UBE2G2: variants seen among roughly 807,000 people sequenced by gnomAD.
UBE2G2 encodes ubiquitin-conjugating enzyme E2 G2.
A neutral mutation model predicts 23.0 loss-of-function variants in UBE2G2; 10 were observed. The ratio of observed to expected loss-of-function variants is 0.43; its 90% CI spans 0.27 to 0.74. The LOEUF (loss-of-function observed/expected upper bound fraction) is 0.74. Among genes scored for constraint, UBE2G2 ranks in the 30% least tolerant of loss-of-function variants. The pLI, the probability that UBE2G2 is intolerant of heterozygous loss-of-function variation, is 0.19. For synonymous variants in UBE2G2, 86 were observed against 81.3 expected (o/e 1.06, Z -0.31); for missense variants, 150 against 218.3 (o/e 0.69, Z 1.97).
At chr21:44,790,662 C>T (rs1268631762) in intron 1 of UBE2G2, among the ~76,000 whole-genome samples, 6 of 152,198 alleles carry the variant, frequency 3.9e-5, no homozygotes, top group East Asian at 1.9e-4. Flanking sequence ...GCTTCCCCTT[C>T]GGCTTCTGTC....
intron 1 of UBE2G2, among the ~76,000 whole-genome samples, chr21:44,790,484 T>A (rs1040974104): frequency 1.3e-5 from 2 of 152,246 alleles, no homozygotes; most frequent in Non-Finnish European, 2.9e-5. Context: ...TGAATTGTAA[T>A]CTCCAGGTGT....
At chr21:44,773,907 G>C (rs2082893674) in intron 4 of UBE2G2, 3 of 534,490 alleles carry the variant, frequency 5.6e-6, no homozygotes, top group East Asian at 3.3e-5. Flanking sequence ...GGCTGACCCA[G>C]CCAGTTCTAA....
At chr21:44,787,406 C>A (rs1244965590) in intron 3 of UBE2G2, among the ~76,000 whole-genome samples, 2 of 152,106 alleles carry the variant, frequency 1.3e-5, no homozygotes, top group Non-Finnish European at 2.9e-5. Context: ...CAAGTCCAGA[C>A]AAGGCAACAG....
rs782668039 is a variant in UBE2G2 at position 44,771,540 on chromosome 21, C to T, written c.386-51G>A. The T allele has an allele frequency of 1.8e-5, 29 of 1,569,616 alleles. No homozygotes were observed. The East Asian group carries it at 6.0e-4, about 33-fold the overall frequency. ...TGTAAAAGGGAGTCTTATACGTAAG[C>T]AGCCTGGCAAGGTCTCCCATTTATT... On this transcript the variant is annotated intron_variant, in intron 5 of 5. Transcript: ENST00000345496. This position sits in a 1 kb window ranked among gnomAD's most constrained non-coding sequence, Gnocchi z 4.6.
rs1450733488 is a variant in UBE2G2 at position 44,773,538 on chromosome 21, G to C, written c.385+9C>G. 4 of 1,605,740 alleles carry C rather than the reference G, an allele frequency of 2.5e-6. No homozygotes were observed. Among genetic ancestry groups the C allele is most frequent in the Middle Eastern group, 1.7e-4 (1 of 6,000 alleles). On this transcript the variant is annotated intron_variant, in intron 5 of 5. Transcript: ENST00000345496. ...CACGGCAGCTCCTGCCAGGAGGCTCGGGCCTTACCTGCCAGCATGCTCACC... is the reference window on the plus strand; with the variant it reads ...CACGGCAGCTCCTGCCAGGAGGCTCCGGCCTTACCTGCCAGCATGCTCACC...
Position 44,777,894 on chromosome 21 carries a change from TG to T in UBE2G2, c.126-478del, listed in dbSNP as rs200998199. Among the ~76,000 whole-genome samples the T allele has an allele frequency of 5.7e-3, 873 of 152,334 alleles. 21 individuals carry two copies. The highest frequency in any genetic ancestry group is 0.05 in the Admixed American group (763 of 15,302). ...CAATGAATTGGTACTTTCTTTTCAGTGGAAAGCAATGTCCCATTCTCCAGTT... is the reference window on the plus strand; with the variant it reads ...CAATGAATTGGTACTTTCTTTTCAGTGAAAGCAATGTCCCATTCTCCAGTT... On this transcript the variant is annotated intron_variant, in intron 3 of 5. Transcript: ENST00000345496.
chr21:44,781,754 C>T (rs1413712892), intron 3 of UBE2G2, among the ~76,000 whole-genome samples: 1 of 152,112 alleles, frequency 6.6e-6, no homozygotes, highest in African/African-American at 2.4e-5. Context: ...GTGTTCTAAG[C>T]ACCCCAGGCG....
chr21:44,793,353 T>A (rs1394922692), intron 1 of UBE2G2, among the ~76,000 whole-genome samples: 1 of 152,138 alleles, frequency 6.6e-6, no homozygotes, highest in Non-Finnish European at 1.5e-5. Context: ...CCTTTGGCAC[T>A]CCCCTGCGTG....
intron 3 of UBE2G2, among the ~76,000 whole-genome samples, chr21:44,785,299 A>G (rs1266454339): frequency 6.6e-6 from 1 of 152,232 alleles, no homozygotes; most frequent in Non-Finnish European, 1.5e-5. Context: ...TGGCAGGGTC[A>G]GCAGAGTTAT....
chr21:44,786,409 GA>G (rs1569297907), intron 3 of UBE2G2, among the ~76,000 whole-genome samples: 1 of 152,012 alleles, frequency 6.6e-6, no homozygotes, highest in Non-Finnish European at 1.5e-5. Flanking sequence ...TTCAGACACC[GA>G]AAAAACATGT....
Position 44,771,100 on chromosome 21 carries a change from C to T in UBE2G2, c.*277G>A, listed in dbSNP as rs1488104702. On this transcript the variant is annotated 3_prime_UTR_variant, in exon 6 of 6. Transcript: ENST00000345496. The surrounding 1 kb of genome is among the most constrained non-coding windows in gnomAD (Gnocchi z 4.6). ...GGAAGCCATGAACTGCTGGTTTCAG[C>T]GGGGAGAGGTAGTGCTGACAGCTCT... The T allele has an allele frequency of 1.1e-5, 4 of 372,518 alleles. No individual in the cohort carries two copies. Among genetic ancestry groups the T allele is most frequent in the South Asian group, 3.5e-5 (1 of 28,550 alleles). 23.1% of individuals were successfully genotyped at this position (372,518 alleles called of 1,614,324 possible). A position where few individuals can be genotyped will look rare whatever the true frequency, so the allele number is the denominator to read the frequency against.
chr21:44,788,584 G>A (rs192678841), intron 1 of UBE2G2, among the ~76,000 whole-genome samples: 33 of 151,762 alleles, frequency 2.2e-4, no homozygotes, highest in East Asian at 5.8e-4. Flanking sequence ...CCACCGCGCC[G>A]GCCCAAATAG....
chr21:44,801,199 T>A (rs17289578), intron 1 of UBE2G2: 64,820 of 457,670 alleles, frequency 0.14, 4,771 homozygotes, highest in Middle Eastern at 0.22. Context: ...ACTCAAGAGG[T>A]TTCCTCAACA....
At chr21:44,796,187 A>G (rs1029172588) in intron 1 of UBE2G2, among the ~76,000 whole-genome samples, 2 of 152,218 alleles carry the variant, frequency 1.3e-5, no homozygotes, top group Non-Finnish European at 2.9e-5. Flanking sequence ...GAACATCAAG[A>G]CAAGACAGCA....
intron 1 of UBE2G2, among the ~76,000 whole-genome samples, chr21:44,797,380 G>A (rs2083099340): frequency 6.6e-6 from 1 of 152,218 alleles, no homozygotes. Context: ...GCAGCAGCCT[G>A]AACTTAATTT....
intron 1 of UBE2G2, chr21:44,801,137 C>T: frequency 5.7e-6 from 1 of 175,416 alleles, no homozygotes; most frequent in African/African-American, 2.4e-5. Flanking sequence ...TCTCATTTCT[C>T]CCTTCGCTCT....
At chr21:44,784,017 G>A (rs1344371132) in intron 3 of UBE2G2, among the ~76,000 whole-genome samples, 3 of 152,132 alleles carry the variant, frequency 2.0e-5, no homozygotes, top group South Asian at 2.1e-4. Flanking sequence ...CTAGCTGGGC[G>A]TGGTGGTGTG....
At chr21:44,779,374 G>GGA (rs1364997488) in intron 3 of UBE2G2, among the ~76,000 whole-genome samples, 3 of 136,134 alleles carry the variant, frequency 2.2e-5, no homozygotes, top group African/African-American at 8.1e-5. Context: ...GCTGGGGTGG[G>GGA]GGGGGGGTAC....
intron 4 of UBE2G2, among the ~76,000 whole-genome samples, chr21:44,776,085 T>C (rs1174140984): frequency 6.6e-6 from 1 of 152,064 alleles, no homozygotes; most frequent in East Asian, 1.9e-4. Flanking sequence ...AGCAAGTCTA[T>C]TGGCAGACGG....
Sources: gnomAD v4.1 joint callset for allele counts (sites outside exome capture counted in the v4.1 genomes callset) on GRCh38, gnomAD v4.1.1 for gene constraint, Gnocchi (gnomAD v3.1) non-coding constraint, MANE v1.5 for transcripts, NCBI Gene and HGNC (gene_info 2026-07-23, HGNC 2026-07-21) for gene names.